EPC2: variants seen among roughly 807,000 people sequenced by gnomAD.
The protein encoded by EPC2 is enhancer of polycomb homolog 2.
In EPC2, 14 loss-of-function variants were observed where a neutral mutation model predicts 92.1. That is an observed-to-expected ratio of 0.15 (90% confidence interval 0.10 to 0.24). EPC2 has a LOEUF of 0.24. EPC2 is among the 10% of genes least tolerant of loss of function. The pLI is 1.00. For synonymous variants in EPC2, 340 were observed against 334.7 expected, an observed-to-expected ratio of 1.02 and a Z score of -0.17; for missense variants, 755 against 971.5, an observed-to-expected ratio of 0.78 and a Z score of 2.96.
chr2:148,653,947 T>G (rs1021158940), intron 1 of EPC2, among the ~76,000 whole-genome samples: 18 of 145,970 alleles, frequency 1.2e-4, no homozygotes, highest in East Asian at 6.8e-4. Flanking sequence ...TACTTTTTTT[T>G]TTGTTTTTTT....
intron 8 of EPC2, among the ~76,000 whole-genome samples, chr2:148,769,855 A>G (rs1259020405): frequency 2.0e-5 from 3 of 152,208 alleles, no homozygotes; most frequent in East Asian, 1.9e-4. Context: ...TTATCTTGCT[A>G]TATAATGGTA....
intron 2 of EPC2, among the ~76,000 whole-genome samples, chr2:148,715,730 T>G (rs1417105405): frequency 6.6e-6 from 1 of 152,222 alleles, no homozygotes; most frequent in African/African-American, 2.4e-5. Context: ...CCATATGAAT[T>G]TTAAAATAGT....
chr2:148,672,030 A>G (rs901173494), intron 1 of EPC2, among the ~76,000 whole-genome samples: 2 of 152,168 alleles, frequency 1.3e-5, no homozygotes, highest in African/African-American at 4.8e-5. Context: ...ATTTGTGTCC[A>G]TCCTTCTTGA....
At chr2:148,775,040 G>T (rs966454722) in intron 10 of EPC2, among the ~76,000 whole-genome samples, 4 of 148,162 alleles carry the variant, frequency 2.7e-5, no homozygotes, top group African/African-American at 1.0e-4. Context: ...AGCAAGCCGA[G>T]ATCCTGCCAC....
Position 148,729,641 on chromosome 2 carries a change from A to G in EPC2, c.314-13981A>G, listed in dbSNP as rs16829197. Reference sequence around the variant, plus strand: ...TTTTCCATTTGGTTATTATAAAGCAACAAGGGATGGAAAATCTGATGAATG... The same window carrying G: ...TTTTCCATTTGGTTATTATAAAGCAGCAAGGGATGGAAAATCTGATGAATG... On this transcript the variant is annotated intron_variant, in intron 2 of 13. Coordinates refer to ENST00000258484, the MANE Select transcript of EPC2 (RefSeq NM_015630.4). Among the ~76,000 whole-genome samples the G allele has an allele frequency of 9.6e-3, 1,455 of 152,324 alleles. 29 individuals are homozygous for G. Among genetic ancestry groups the G allele is most frequent in the African/African-American group, 0.034 (1,404 of 41,572 alleles).
chr2:148,782,284 C>T (rs2105441237), intron 11 of EPC2, among the ~76,000 whole-genome samples: 1 of 152,218 alleles, frequency 6.6e-6, no homozygotes, highest in African/African-American at 2.4e-5. Context: ...TGCCTGTAAT[C>T]CCAGCACTTT....
At chr2:148,753,142 T>C (rs1410704215) in intron 3 of EPC2, among the ~76,000 whole-genome samples, 1 of 152,164 alleles carries the variant, frequency 6.6e-6, no homozygotes, top group Non-Finnish European at 1.5e-5. Flanking sequence ...GCAACAAATA[T>C]GACCAAGCAA....
At chr2:148,782,158 T>C (rs1683762189) in intron 11 of EPC2, among the ~76,000 whole-genome samples, 1 of 152,206 alleles carries the variant, frequency 6.6e-6, no homozygotes, top group Non-Finnish European at 1.5e-5. Context: ...GTGGATGTGC[T>C]CCATGAGCTG....
In EPC2 at chr2:148,671,974, G is replaced by A. The variant is rs964599357; in HGVS notation, c.154-18240G>A. Among the ~76,000 whole-genome samples the A allele has an allele frequency of 2.6e-5, 4 of 152,104 alleles. No individual in the cohort carries two copies. In the South Asian group the frequency reaches 6.2e-4, roughly 24 times the overall value. On this transcript the variant is annotated intron_variant, in intron 1 of 13. Coordinates refer to ENST00000258484, the MANE Select transcript of EPC2 (RefSeq NM_015630.4). Reference sequence around the variant, plus strand: ...TGTTGATATGCCTGAATATGTATGGGATATTGGCCTATAGTTTTCTTAAAG... The same window carrying A: ...TGTTGATATGCCTGAATATGTATGGAATATTGGCCTATAGTTTTCTTAAAG...
At chr2:148,657,147 C>T (rs1420397470) in intron 1 of EPC2, among the ~76,000 whole-genome samples, 4 of 151,732 alleles carry the variant, frequency 2.6e-5, no homozygotes, top group East Asian at 1.9e-4. Context: ...GCCTATTGAA[C>T]GAATTTGGAA....
chr2:148,767,904 A>T (rs972232975), intron 7 of EPC2, among the ~76,000 whole-genome samples: 4 of 152,186 alleles, frequency 2.6e-5, no homozygotes, highest in Non-Finnish European at 4.4e-5. Context: ...CGTTATTTGC[A>T]AAGGAACCAA....
intron 1 of EPC2, among the ~76,000 whole-genome samples, chr2:148,661,273 C>T (rs1001959154): frequency 6.6e-6 from 1 of 152,000 alleles, no homozygotes; most frequent in African/African-American, 2.4e-5. Context: ...TTTTGTTGAG[C>T]TTATGCCTAG....
At chr2:148,767,041 T>C (rs1225768774) in intron 7 of EPC2, among the ~76,000 whole-genome samples, 1 of 151,404 alleles carries the variant, frequency 6.6e-6, no homozygotes, top group African/African-American at 2.4e-5. Flanking sequence ...GAAACAAACG[T>C]AGAAAAATTA....
At chr2:148,704,830 A>G (rs1466333983) in intron 2 of EPC2, among the ~76,000 whole-genome samples, 1 of 152,080 alleles carries the variant, frequency 6.6e-6, no homozygotes, top group Non-Finnish European at 1.5e-5. Context: ...TTACACTTCT[A>G]ACCTGGGCCA....
intron 10 of EPC2, among the ~76,000 whole-genome samples, chr2:148,774,599 C>T (rs1558836971): frequency 8.4e-6 from 1 of 119,302 alleles, no homozygotes. Context: ...AGGGTGAGAC[C>T]CTGACTCAAA....
intron 2 of EPC2, among the ~76,000 whole-genome samples, chr2:148,706,604 C>T (rs1013601998): frequency 3.9e-5 from 6 of 152,144 alleles, no homozygotes; most frequent in African/African-American, 1.2e-4. Context: ...AGAGAAAGGT[C>T]GGGTTACTCA....
chr2:148,709,293 T>G (rs1376135222), intron 2 of EPC2, among the ~76,000 whole-genome samples: 1 of 152,184 alleles, frequency 6.6e-6, no homozygotes, highest in African/African-American at 2.4e-5. Flanking sequence ...ACAAGGGATG[T>G]GAAGGACCTC....
At chr2:148,743,366 C>A (rs1432725266) in intron 2 of EPC2, among the ~76,000 whole-genome samples, 4 of 152,026 alleles carry the variant, frequency 2.6e-5, no homozygotes, top group Non-Finnish European at 5.9e-5. Flanking sequence ...TTTATAGCTG[C>A]TATTTTATAT....
intron 3 of EPC2, among the ~76,000 whole-genome samples, chr2:148,745,269 G>A (rs1319737801): frequency 6.6e-6 from 1 of 151,868 alleles, no homozygotes; most frequent in African/African-American, 2.4e-5. Context: ...TCAGCCTTTT[G>A]GTATGTTTAT....
Sources: allele counts gnomAD v4.1 joint callset (sites outside exome capture counted in the v4.1 genomes callset), GRCh38; gene constraint gnomAD v4.1.1; transcripts MANE v1.5; gene names NCBI Gene and HGNC (gene_info 2026-07-23, HGNC 2026-07-21).